ANKRD6: variants seen among roughly 807,000 people sequenced by gnomAD.
ANKRD6 encodes ankyrin repeat domain 6.
A neutral mutation model predicts 82.3 loss-of-function variants in ANKRD6; 56 were observed. That is an observed-to-expected ratio of 0.68 (90% CI 0.55 to 0.85). The LOEUF (loss-of-function observed/expected upper bound fraction) is 0.85, where lower values mean the gene tolerates loss of function less well. Among genes scored for constraint, ANKRD6 ranks in the 40% least tolerant of loss-of-function variants. The pLI is 0.00. For synonymous variants in ANKRD6, 347 were observed against 352.1 expected (o/e 0.99, Z 0.16); for missense variants, 852 against 907.6 (o/e 0.94, Z 0.79).
intron 1 of ANKRD6, among the ~76,000 whole-genome samples, chr6:89,438,337 ATG>A (rs1011343920): frequency 4.0e-4 from 61 of 152,188 alleles, no homozygotes; most frequent in African/African-American, 1.3e-3. Context: ...CACCATCTTC[ATG>A]TGGTCTCCAG....
At chr6:89,605,943 T>C (rs1798469480) in intron 4 of ANKRD6, 64 bp from the exon 5 acceptor site, 2 of 1,233,576 alleles carry the variant, frequency 1.6e-6, no homozygotes, top group African/African-American at 3.0e-5. Flanking sequence ...TGTGATGTAT[T>C]GATCATAATG....
In ANKRD6 at chr6:89,612,231, A is replaced by C. The variant is rs144577628; in HGVS notation, c.418-41A>C. The stretch of plus-strand genomic sequence containing the variant: ...AAGGCATGCAAGTCTGTGCGGAAGC[A>C]TGTTGCTAATATGTCCTCCCTCTCT... On this transcript the variant is annotated intron_variant, in intron 5 of 15. Coordinates refer to ENST00000339746, the MANE Select transcript of ANKRD6 (RefSeq NM_001242809.2). The C allele has an allele frequency of 5.7e-4, 864 of 1,526,494 alleles. 7 individuals are homozygous for C. In the East Asian group the frequency reaches 9.6e-3, roughly 17 times the overall value. The allele number at this position is 1,526,494 out of a possible 1,614,324, so 94.6% of individuals were successfully genotyped here.
intron 1 of ANKRD6, among the ~76,000 whole-genome samples, chr6:89,511,034 T>C (rs1260712069): frequency 3.3e-5 from 5 of 152,202 alleles, no homozygotes; most frequent in African/African-American, 1.2e-4. Flanking sequence ...TGTCAGGGCT[T>C]ATTATAAGGA....
At chr6:89,490,839 C>T (rs1024973774) in intron 1 of ANKRD6, among the ~76,000 whole-genome samples, 3 of 152,052 alleles carry the variant, frequency 2.0e-5, no homozygotes, top group South Asian at 4.1e-4. Context: ...TGGTGGCCCC[C>T]CAAAAGATAA....
At chr6:89,438,559 T>A (rs1041463543) in intron 1 of ANKRD6, among the ~76,000 whole-genome samples, 1 of 152,206 alleles carries the variant, frequency 6.6e-6, no homozygotes, top group Non-Finnish European at 1.5e-5. Flanking sequence ...ATAGAACTCT[T>A]TGGTGGATGA....
intron 2 of ANKRD6, among the ~76,000 whole-genome samples, chr6:89,591,551 C>A (rs533594262): frequency 1.2e-4 from 19 of 152,326 alleles, no homozygotes; most frequent in Non-Finnish European, 2.6e-4. Context: ...TTTTTATTTG[C>A]TCCTTCACCC....
chr6:89,627,800 G>C (rs1806214074), intron 14 of ANKRD6, 104 bp downstream of exon 14: 2 of 877,126 alleles, frequency 2.3e-6, no homozygotes, highest in South Asian at 3.1e-5. Context: ...GACTCCCTAA[G>C]AGCTTTTACA....
chr6:89,514,891 CCTT>C (rs749479264), intron 1 of ANKRD6, among the ~76,000 whole-genome samples: 3 of 152,132 alleles, frequency 2.0e-5, no homozygotes, highest in Admixed American at 6.5e-5. Flanking sequence ...AAATTTTAGT[CCTT>C]CTTGTCTGGG....
rs1258884339 is a variant in ANKRD6, at chr6:89,632,268, G to GA, written c.*1269dup. The GA allele has an allele frequency of 6.6e-6, 1 of 152,148 alleles. No individual in the cohort carries two copies. The highest frequency in any genetic ancestry group is 1.5e-5 in the Non-Finnish European group (1 of 68,018). 9.4% of individuals were successfully genotyped at this position (152,148 alleles called of 1,614,324 possible). ...TGATTTATTAACATGGGGACACCAA[G>GA]AAAAACAAAGTATGCTTTTATTCCC... is the stretch of plus-strand genomic sequence containing the variant. On this transcript the variant is annotated 3_prime_UTR_variant, in exon 16 of 16. Coordinates refer to ENST00000339746, the MANE Select transcript of ANKRD6 (RefSeq NM_001242809.2).
At chr6:89,573,106 A>G (rs1048182638) in intron 2 of ANKRD6, among the ~76,000 whole-genome samples, 3 of 152,016 alleles carry the variant, frequency 2.0e-5, no homozygotes, top group Admixed American at 1.3e-4. Flanking sequence ...GACTACAGGC[A>G]TGTGTGCCAC....
intron 1 of ANKRD6, among the ~76,000 whole-genome samples, chr6:89,448,667 A>G (rs1409809563): frequency 2.0e-5 from 3 of 152,198 alleles, no homozygotes; most frequent in Non-Finnish European, 4.4e-5. Flanking sequence ...TAATATTTTC[A>G]TGCCTACTAA....
intron 1 of ANKRD6, among the ~76,000 whole-genome samples, chr6:89,446,400 C>T (rs1190022826): frequency 6.6e-6 from 1 of 151,942 alleles, no homozygotes; most frequent in Non-Finnish European, 1.5e-5. Flanking sequence ...AATTAATAAT[C>T]CCACAATGGC....
At chr6:89,484,846 T>C (rs1777188464) in intron 1 of ANKRD6, among the ~76,000 whole-genome samples, 2 of 152,240 alleles carry the variant, frequency 1.3e-5, no homozygotes, top group South Asian at 4.1e-4. Context: ...ATGAACTTAA[T>C]TAGTGGAGTT....
chr6:89,563,362 A>G (rs1474420998), intron 1 of ANKRD6, among the ~76,000 whole-genome samples: 2 of 152,226 alleles, frequency 1.3e-5, no homozygotes, highest in Non-Finnish European at 2.9e-5. Context: ...TGTGCATTGC[A>G]TACTTATGCT....
At chr6:89,501,613 G>A (rs184792147) in intron 1 of ANKRD6, among the ~76,000 whole-genome samples, 1 of 152,310 alleles carries the variant, frequency 6.6e-6, no homozygotes, top group Admixed American at 6.5e-5. Flanking sequence ...CAAGTTGCCT[G>A]TTGATTGTGT....
chr6:89,624,162 T>A, intron 12 of ANKRD6, 105 bp downstream of exon 12: 1 of 1,307,288 alleles, frequency 7.6e-7, no homozygotes, highest in South Asian at 1.5e-5. Flanking sequence ...ATTGACTTAG[T>A]TGAGCACAAG....
At chr6:89,626,205 CTG>C (rs1215419255) in intron 13 of ANKRD6, among the ~76,000 whole-genome samples, 1 of 152,310 alleles carries the variant, frequency 6.6e-6, no homozygotes, top group East Asian at 1.9e-4. Context: ...TTAGTGAAGA[CTG>C]TTTTGTATAT....
In ANKRD6 at chr6:89,464,378, A is replaced by G. The variant is rs896120714; in HGVS notation, c.-144+31003A>G. On this transcript the variant is annotated intron_variant, in intron 1 of 15. Coordinates refer to ENST00000339746, the MANE Select transcript of ANKRD6 (RefSeq NM_001242809.2). Reference sequence around the variant, plus strand: ...TTCTTAATATTTTTCCCTCTAGGATACAGAAAACGTTTCTTTAGTCCCTTC... The same window carrying G: ...TTCTTAATATTTTTCCCTCTAGGATGCAGAAAACGTTTCTTTAGTCCCTTC... Among the ~76,000 whole-genome samples the G allele has an allele frequency of 9.9e-5, 15 of 152,212 alleles. 1 individual carries two copies. The highest frequency in any genetic ancestry group is 9.2e-4 in the Admixed American group (14 of 15,280).
At chr6:89,447,979 A>T (rs1299274458) in intron 1 of ANKRD6, among the ~76,000 whole-genome samples, 2 of 151,780 alleles carry the variant, frequency 1.3e-5, no homozygotes, top group Non-Finnish European at 2.9e-5. Context: ...GAGCCACTGC[A>T]CCCAGCTCCA....
Sources: allele counts gnomAD v4.1 joint callset (sites outside exome capture counted in the v4.1 genomes callset), GRCh38; gene constraint gnomAD v4.1.1; transcripts MANE v1.5; gene names NCBI Gene and HGNC (gene_info 2026-07-23, HGNC 2026-07-21).